Variants in SPAG16 observed in about 807,000 individuals in gnomAD.
The protein encoded by SPAG16 is sperm associated antigen 16.
In SPAG16, 86 loss-of-function variants were observed where a neutral mutation model predicts 80.4. The ratio of observed to expected loss-of-function variants is 1.07; its 90% confidence interval spans 0.90 to 1.28. The LOEUF (loss-of-function observed/expected upper bound fraction) is 1.28. SPAG16 is among the 50% of genes most tolerant of loss of function. SPAG16 has a pLI of 0.00. For missense variants in SPAG16, 870 were observed against 765.3 expected (o/e 1.14, Z -1.61); for synonymous variants, 294 against 265.9 (o/e 1.11, Z -1.03).
intron 9 of SPAG16, among the ~76,000 whole-genome samples, chr2:213,417,542 T>C (rs1055818390): frequency 1.3e-5 from 2 of 152,240 alleles, no homozygotes; most frequent in African/African-American, 2.4e-5. Context: ...AAAACTGTTA[T>C]AGAACTATTC....
intron 15 of SPAG16, among the ~76,000 whole-genome samples, chr2:214,373,172 C>A (rs977632111): frequency 6.6e-6 from 1 of 152,058 alleles, no homozygotes; most frequent in Admixed American, 6.6e-5. Context: ...AAAAAAATTG[C>A]TTTCAGAATA....
intron 12 of SPAG16, among the ~76,000 whole-genome samples, chr2:213,974,852 T>C (rs937567850): frequency 2.0e-5 from 3 of 151,596 alleles, no homozygotes; most frequent in Non-Finnish European, 4.4e-5. Context: ...TTTGAATCCA[T>C]TCACTCAGGC....
At chr2:213,311,869 A>G (rs2063200524) in intron 4 of SPAG16, among the ~76,000 whole-genome samples, 1 of 151,552 alleles carries the variant, frequency 6.6e-6, no homozygotes, top group Admixed American at 6.6e-5. Context: ...CTTTCAAAAC[A>G]TGACCAAACA....
At chr2:213,660,383 C>T (rs2063378686) in intron 10 of SPAG16, among the ~76,000 whole-genome samples, 2 of 151,682 alleles carry the variant, frequency 1.3e-5, no homozygotes, top group African/African-American at 4.8e-5. Flanking sequence ...AATTCTCCTG[C>T]CTCAGTGTAT....
At chr2:213,534,191 G>A (rs1024026520) in intron 10 of SPAG16, among the ~76,000 whole-genome samples, 2 of 151,922 alleles carry the variant, frequency 1.3e-5, no homozygotes, top group Admixed American at 6.6e-5. Flanking sequence ...TTCTACAATG[G>A]TGTTAATCTT....
At chr2:213,837,425 C>A (rs1419870233) in intron 10 of SPAG16, among the ~76,000 whole-genome samples, 1 of 152,172 alleles carries the variant, frequency 6.6e-6, no homozygotes, top group Non-Finnish European at 1.5e-5. Flanking sequence ...GCCAAATGGT[C>A]CTTGTGCTAT....
intron 15 of SPAG16, among the ~76,000 whole-genome samples, chr2:214,309,336 TA>T (rs955526170): frequency 3.3e-5 from 5 of 152,212 alleles, no homozygotes; most frequent in African/African-American, 1.2e-4. Context: ...AATGTACTCC[TA>T]TAGCTCAGTG....
At chr2:213,502,216 C>T (rs1301339349) in intron 10 of SPAG16, among the ~76,000 whole-genome samples, 1 of 152,118 alleles carries the variant, frequency 6.6e-6, no homozygotes, top group Non-Finnish European at 1.5e-5. Flanking sequence ...GCCTGGACCC[C>T]CAGGGATCAA....
At chr2:214,258,657 C>T (rs1269924545) in intron 15 of SPAG16, among the ~76,000 whole-genome samples, 4 of 151,752 alleles carry the variant, frequency 2.6e-5, no homozygotes, top group Non-Finnish European at 2.9e-5. Context: ...TGGGTAGATA[C>T]CCAGTAGATA....
chr2:213,882,663 C>T (rs1457693872), intron 11 of SPAG16, among the ~76,000 whole-genome samples: 1 of 152,078 alleles, frequency 6.6e-6, no homozygotes, highest in Non-Finnish European at 1.5e-5. Context: ...ATTTGTTATA[C>T]CTGATTGTAC....
At chr2:213,807,030 C>A (rs2125655623) in intron 10 of SPAG16, among the ~76,000 whole-genome samples, 1 of 152,220 alleles carries the variant, frequency 6.6e-6, no homozygotes. Context: ...AATCTACTTC[C>A]TTACATCCCA....
At chr2:213,385,792 C>CCACA (rs55899353) in intron 9 of SPAG16, among the ~76,000 whole-genome samples, 1,918 of 149,196 alleles carry the variant, frequency 0.013, 17 homozygotes, top group East Asian at 0.019. Flanking sequence ...TCATCTCTGT[C>CCACA]CACACACACA....
intron 10 of SPAG16, among the ~76,000 whole-genome samples, chr2:213,783,317 TAAAAA>T (rs11362970): frequency 1.4e-4 from 21 of 146,010 alleles, no homozygotes; most frequent in African/African-American, 5.3e-4. Context: ...TAGAGTATAA[TAAAAA>T]AAAAAAAAAA....
At chr2:213,672,684 CT>C (rs1271284271) in intron 10 of SPAG16, among the ~76,000 whole-genome samples, 1 of 152,016 alleles carries the variant, frequency 6.6e-6, no homozygotes, top group African/African-American at 2.4e-5. Flanking sequence ...TTTCCAACTG[CT>C]TTTATAATAT....
intron 15 of SPAG16, among the ~76,000 whole-genome samples, chr2:214,395,767 G>A (rs1169617892): frequency 1.3e-5 from 2 of 151,794 alleles, no homozygotes; most frequent in African/African-American, 4.8e-5. Flanking sequence ...TCACTTATAA[G>A]TGAGAACATG....
chr2:213,358,334 T>A (rs949728489), intron 7 of SPAG16, among the ~76,000 whole-genome samples: 2 of 152,190 alleles, frequency 1.3e-5, no homozygotes, highest in Non-Finnish European at 2.9e-5. Flanking sequence ...TTCTCCTGGA[T>A]AATATCCTGA....
intron 10 of SPAG16, among the ~76,000 whole-genome samples, chr2:213,541,855 A>G (rs116571516): frequency 0.018 from 2,686 of 152,232 alleles, 66 homozygotes; most frequent in African/African-American, 0.05. Context: ...TGTTTTTTCC[A>G]TAATTTAAGT....
At chr2:213,819,938 C>T (rs1178774105) in intron 10 of SPAG16, among the ~76,000 whole-genome samples, 31 of 120,178 alleles carry the variant, frequency 2.6e-4, no homozygotes, top group Middle Eastern at 4.5e-3. Context: ...TCTAATTTTT[C>T]GTGTTTTTTT....
chr2:214,303,671 C>A (rs7559483), intron 15 of SPAG16, among the ~76,000 whole-genome samples: 36,333 of 152,028 alleles, frequency 0.24, 5,876 homozygotes, highest in African/African-American at 0.46. Context: ...ACACTCCTAG[C>A]AAGATCCGAT....
Sources: allele counts gnomAD v4.1 joint callset (sites outside exome capture counted in the v4.1 genomes callset), GRCh38; gene constraint gnomAD v4.1.1; transcripts MANE v1.5; gene names NCBI Gene and HGNC (gene_info 2026-07-23, HGNC 2026-07-21).